FGF12: variants seen among roughly 807,000 people sequenced by gnomAD.
FGF12 encodes the protein fibroblast growth factor 12, also known as fibroblast growth factor 12B.
Under a neutral mutation model 23.6 loss-of-function variants are expected in FGF12, and 14 were observed. That is an observed-to-expected ratio of 0.59 (90% CI 0.39 to 0.93). The LOEUF (loss-of-function observed/expected upper bound fraction) is 0.93. Among genes scored for constraint, FGF12 ranks in the 40% least tolerant of loss-of-function variants. The pLI, the probability that FGF12 is intolerant of heterozygous loss-of-function variation, is 0.00. For synonymous variants in FGF12, 62 were observed against 77.3 expected, an observed-to-expected ratio of 0.80 and a Z score of 1.04; for missense variants, 175 against 217.8, an observed-to-expected ratio of 0.80 and a Z score of 1.24.
intron 4 of FGF12, among the ~76,000 whole-genome samples, chr3:192,172,585 C>A (rs1338657911): frequency 6.6e-6 from 1 of 150,560 alleles, no homozygotes; most frequent in Non-Finnish European, 1.5e-5. Context: ...AACAAATGAC[C>A]ATGAGATACT....
intron 4 of FGF12, among the ~76,000 whole-genome samples, chr3:192,236,929 A>G (rs1241085060): frequency 6.6e-6 from 1 of 152,130 alleles, no homozygotes; most frequent in East Asian, 1.9e-4. Flanking sequence ...TTATAGTGTC[A>G]GTGGGCTATG....
chr3:192,588,843 G>C (rs1713500261), intron 2 of FGF12, among the ~76,000 whole-genome samples: 1 of 151,668 alleles, frequency 6.6e-6, no homozygotes. Flanking sequence ...AGGTAAATTA[G>C]TAATTATAAT....
intron 4 of FGF12, among the ~76,000 whole-genome samples, chr3:192,174,343 T>A (rs1025053193): frequency 1.3e-5 from 2 of 152,078 alleles, no homozygotes; most frequent in Non-Finnish European, 2.9e-5. Flanking sequence ...ACTACTAAAT[T>A]GACAAATGGG....
chr3:192,668,727 T>C (rs1716991437), intron 2 of FGF12, among the ~76,000 whole-genome samples: 1 of 152,126 alleles, frequency 6.6e-6, no homozygotes, highest in Non-Finnish European at 1.5e-5. Flanking sequence ...CCTGCACTAC[T>C]AGAGAGCAAT....
At chr3:192,157,485 A>G (rs1229603829) in intron 5 of FGF12, among the ~76,000 whole-genome samples, 2 of 151,922 alleles carry the variant, frequency 1.3e-5, no homozygotes, top group Non-Finnish European at 2.9e-5. Flanking sequence ...TTCTCTTTGT[A>G]GGATTAGGTA....
At chr3:192,486,904 T>C (rs1462705788) in intron 2 of FGF12, among the ~76,000 whole-genome samples, 1 of 152,116 alleles carries the variant, frequency 6.6e-6, no homozygotes, top group Non-Finnish European at 1.5e-5. Context: ...TACAAGTGTG[T>C]TTTATATGTT....
intron 2 of FGF12, among the ~76,000 whole-genome samples, chr3:192,529,973 G>C (rs1725047016): frequency 6.6e-6 from 1 of 151,692 alleles, no homozygotes; most frequent in African/African-American, 2.4e-5. Flanking sequence ...TAGCAATTAA[G>C]GGAAGGTATC....
chr3:192,444,027 A>C (rs1011179631), intron 2 of FGF12, among the ~76,000 whole-genome samples: 2 of 152,212 alleles, frequency 1.3e-5, no homozygotes, highest in African/African-American at 4.8e-5. Context: ...GAGTTCCGGA[A>C]GTCCCTATAG....
chr3:192,617,197 T>G (rs1714790559), intron 2 of FGF12, among the ~76,000 whole-genome samples: 1 of 152,062 alleles, frequency 6.6e-6, no homozygotes, highest in South Asian at 2.1e-4. Context: ...CTAGGTAAGC[T>G]TTTAAATTTC....
chr3:192,465,291 T>G (rs1001489299), intron 2 of FGF12, among the ~76,000 whole-genome samples: 1 of 152,180 alleles, frequency 6.6e-6, no homozygotes, highest in East Asian at 1.9e-4. Context: ...ATATTTAAAT[T>G]TCTTCCAAAA....
chr3:192,714,513 A>ATTT (rs770781442), intron 2 of FGF12, among the ~76,000 whole-genome samples: 1,934 of 99,642 alleles, frequency 0.019, 113 homozygotes, highest in African/African-American at 0.053. Context: ...TAAGGAAATA[A>ATTT]TTTTTTTTTT....
chr3:192,269,567 T>C (rs184665374), intron 4 of FGF12, among the ~76,000 whole-genome samples: 4 of 152,302 alleles, frequency 2.6e-5, no homozygotes, highest in Admixed American at 2.6e-4. Context: ...TTAATAAATG[T>C]AAAGTCCTTC....
intron 3 of FGF12, among the ~76,000 whole-genome samples, chr3:192,357,794 A>G (rs1271569681): frequency 6.6e-6 from 1 of 152,224 alleles, no homozygotes; most frequent in Non-Finnish European, 1.5e-5. Flanking sequence ...TACATATTTC[A>G]GAAAGTGGGA....
At chr3:192,213,132 G>C (rs1371409636) in intron 4 of FGF12, among the ~76,000 whole-genome samples, 1 of 152,244 alleles carries the variant, frequency 6.6e-6, no homozygotes, top group Admixed American at 6.5e-5. Flanking sequence ...TTCTGGGCAA[G>C]AAAACGCTGT....
intron 4 of FGF12, among the ~76,000 whole-genome samples, chr3:192,325,867 A>C (rs1716791706): frequency 1.3e-5 from 2 of 152,214 alleles, no homozygotes; most frequent in African/African-American, 4.8e-5. Flanking sequence ...TCAATAGGGA[A>C]GCATGAACAC....
intron 2 of FGF12, among the ~76,000 whole-genome samples, chr3:192,721,238 G>A (rs1259672374): frequency 3.3e-5 from 5 of 152,132 alleles, no homozygotes; most frequent in Non-Finnish European, 1.5e-5. Context: ...AATGATGAAA[G>A]TCAGATTATA....
intron 2 of FGF12, among the ~76,000 whole-genome samples, chr3:192,492,992 TCAC>T (rs1484025933): frequency 6.6e-6 from 1 of 150,850 alleles, no homozygotes; most frequent in African/African-American, 2.4e-5. Flanking sequence ...AGACAGGGTT[TCAC>T]CATGTTGGCC....
intron 2 of FGF12, among the ~76,000 whole-genome samples, chr3:192,455,047 G>A (rs1722638236): frequency 6.6e-6 from 1 of 152,082 alleles, no homozygotes; most frequent in Non-Finnish European, 1.5e-5. Flanking sequence ...TCTTACTGGT[G>A]AGAAATTTAC....
At chr3:192,588,286 C>A (rs1308323079) in intron 2 of FGF12, among the ~76,000 whole-genome samples, 1 of 136,906 alleles carries the variant, frequency 7.3e-6, no homozygotes, top group African/African-American at 2.7e-5. Flanking sequence ...GGAGGCGGAG[C>A]TTGCAGTGAG....
Sources: allele counts gnomAD v4.1 joint callset (sites outside exome capture counted in the v4.1 genomes callset), GRCh38; gene constraint gnomAD v4.1.1; transcripts MANE v1.5; gene names NCBI Gene and HGNC (gene_info 2026-07-23, HGNC 2026-07-21).